The following RGS7 variants were observed in gnomAD, a reference collection of about 807,000 sequenced individuals.
The protein encoded by RGS7 is regulator of G-protein signaling 7.
In RGS7, 27 loss-of-function variants were observed where a neutral mutation model predicts 81.1. That is an observed-to-expected ratio of 0.33 (90% CI 0.25 to 0.46). RGS7 has a LOEUF of 0.46. Among genes scored for constraint, RGS7 ranks in the 20% least tolerant of loss-of-function variants. The probability of loss-of-function intolerance (pLI) is 1.00; values close to 1 mark genes in which losing one functional copy is unlikely to be tolerated. For missense variants in RGS7, 396 were observed against 607.4 expected (o/e 0.65, Z 3.66); for synonymous variants, 208 against 207.7 (o/e 1.00, Z -0.01).
chr1:240,798,292 G>GT (rs1687412340), intron 18 of RGS7, among the ~76,000 whole-genome samples: 1 of 152,026 alleles, frequency 6.6e-6, no homozygotes, highest in Middle Eastern at 3.2e-3. Flanking sequence ...ATGAATCTGG[G>GT]TAACTAACAA....
chr1:241,108,356 G>T (rs1449118395), intron 2 of RGS7, among the ~76,000 whole-genome samples: 49 of 140,864 alleles, frequency 3.5e-4, no homozygotes, highest in Admixed American at 3.4e-3. Context: ...ATGCAGAAAA[G>T]AACGTTGGAC....
At chr1:241,213,575 T>C (rs1171144368) in intron 2 of RGS7, among the ~76,000 whole-genome samples, 1 of 152,186 alleles carries the variant, frequency 6.6e-6, no homozygotes, top group East Asian at 1.9e-4. Context: ...ATTCCTAACT[T>C]ATCAGTTTAC....
intron 2 of RGS7, among the ~76,000 whole-genome samples, chr1:241,119,070 T>G (rs1328005736): frequency 1.3e-5 from 2 of 151,730 alleles, no homozygotes; most frequent in Non-Finnish European, 2.9e-5. Flanking sequence ...CAATTAAAAA[T>G]TAAAAATTTA....
At chr1:240,805,759 T>C (rs1336144641) in intron 15 of RGS7, among the ~76,000 whole-genome samples, 1 of 152,172 alleles carries the variant, frequency 6.6e-6, no homozygotes, top group Non-Finnish European at 1.5e-5. Context: ...AATGTCTACA[T>C]TGAAGATGCC....
intron 3 of RGS7, among the ~76,000 whole-genome samples, chr1:241,050,333 G>T (rs1390577005): frequency 6.6e-6 from 1 of 152,100 alleles, no homozygotes; most frequent in African/African-American, 2.4e-5. Flanking sequence ...CCAAGAGGCT[G>T]CTGGGCACAC....
At chr1:240,930,657 G>A (rs759666667) in intron 6 of RGS7, 60 bp downstream of exon 6, 5 of 1,460,722 alleles carry the variant, frequency 3.4e-6, no homozygotes, top group Non-Finnish European at 4.8e-6. Flanking sequence ...TAAAACGCAA[G>A]TACACATCCA....
chr1:240,781,634 G>GTGGTA (rs1389672479), intron 18 of RGS7, among the ~76,000 whole-genome samples: 1 of 152,182 alleles, frequency 6.6e-6, no homozygotes, highest in African/African-American at 2.4e-5. Context: ...ACCTCTGTGT[G>GTGGTA]TGGTATAGAT....
chr1:240,992,191 T>C (rs1686550713), intron 3 of RGS7, among the ~76,000 whole-genome samples: 1 of 152,172 alleles, frequency 6.6e-6, no homozygotes, highest in Admixed American at 6.5e-5. Context: ...ACAAAATGAA[T>C]GCACTTATGC....
At chr1:241,151,187 C>T (rs1237140376) in intron 2 of RGS7, among the ~76,000 whole-genome samples, 2 of 152,212 alleles carry the variant, frequency 1.3e-5, no homozygotes, top group Admixed American at 6.5e-5. Context: ...GCCATCTAGG[C>T]ATCCCTCAAT....
At chr1:241,130,944 A>AAAAAAAC (rs1491202997) in intron 2 of RGS7, among the ~76,000 whole-genome samples, 2 of 150,134 alleles carry the variant, frequency 1.3e-5, no homozygotes, top group East Asian at 4.0e-4. Flanking sequence ...AAAAAAAAAA[A>AAAAAAAC]ACCAAGAGGC....
chr1:240,864,668 T>C (rs757468610), intron 9 of RGS7, among the ~76,000 whole-genome samples: 24 of 152,316 alleles, frequency 1.6e-4, no homozygotes, highest in Middle Eastern at 3.4e-3. Context: ...TAAAGGGTAC[T>C]AAGAGAGAGG....
chr1:241,244,874 G>A (rs565141847), intron 2 of RGS7, among the ~76,000 whole-genome samples: 37 of 150,334 alleles, frequency 2.5e-4, no homozygotes, highest in Non-Finnish European at 3.0e-4. Flanking sequence ...ACCAAGCACC[G>A]CATGTTCTCA....
intron 3 of RGS7, among the ~76,000 whole-genome samples, chr1:241,013,053 C>CTTTTTTTTTTTT (rs146066815): frequency 1.2e-5 from 1 of 80,312 alleles, no homozygotes; most frequent in Non-Finnish European, 2.4e-5. Flanking sequence ...CTGACCCCTC[C>CTTTTTTTTTTTT]TTTTTTTTTT....
At chr1:241,019,791 T>C (rs1187625283) in intron 3 of RGS7, among the ~76,000 whole-genome samples, 1 of 152,254 alleles carries the variant, frequency 6.6e-6, no homozygotes, top group Non-Finnish European at 1.5e-5. Flanking sequence ...AAGTCTTTGC[T>C]ATTGTGAATA....
intron 2 of RGS7, among the ~76,000 whole-genome samples, chr1:241,120,416 C>G (rs1232455340): frequency 6.6e-6 from 1 of 152,166 alleles, no homozygotes; most frequent in Non-Finnish European, 1.5e-5. Flanking sequence ...GGCACTATCA[C>G]AGTTCACTAC....
chr1:241,058,798 C>T (rs2061602312), intron 3 of RGS7, among the ~76,000 whole-genome samples: 2 of 152,174 alleles, frequency 1.3e-5, no homozygotes, highest in Non-Finnish European at 2.9e-5. Context: ...ATTCATGCAA[C>T]AATTTTGACA....
chr1:240,798,028 G>A (rs914276048), intron 18 of RGS7, among the ~76,000 whole-genome samples: 6 of 152,038 alleles, frequency 3.9e-5, no homozygotes, highest in African/African-American at 7.2e-5. Flanking sequence ...AGCTTGCTTC[G>A]AGTTCCAGCT....
At chr1:240,870,418 C>A (rs765257881) in intron 6 of RGS7, among the ~76,000 whole-genome samples, 37 of 152,092 alleles carry the variant, frequency 2.4e-4, no homozygotes, top group Non-Finnish European at 4.3e-4. Context: ...TTGTTCACTG[C>A]AGCCACACAC....
chr1:240,888,447 A>C (rs536444494), intron 6 of RGS7, among the ~76,000 whole-genome samples: 23 of 152,214 alleles, frequency 1.5e-4, no homozygotes, highest in Admixed American at 1.2e-3. Flanking sequence ...TGGATACTGG[A>C]TGTATTCATT....
Sources: allele counts gnomAD v4.1 joint callset (sites outside exome capture counted in the v4.1 genomes callset), GRCh38; gene constraint gnomAD v4.1.1; transcripts MANE v1.5; gene names NCBI Gene and HGNC (gene_info 2026-07-23, HGNC 2026-07-21).